The following ADAMTS17 variants were observed in gnomAD, a reference collection of about 807,000 sequenced individuals.
ADAMTS17 encodes A disintegrin and metalloproteinase with thrombospondin motifs 17.
In ADAMTS17, 113 loss-of-function variants were observed where a neutral mutation model predicts 141.5. The observed-to-expected ratio is 0.80, with a 90% confidence interval of 0.69 to 0.93. The LOEUF (loss-of-function observed/expected upper bound fraction) is 0.93. Among genes scored for constraint, ADAMTS17 ranks in the 40% least tolerant of loss-of-function variants. ADAMTS17 has a pLI of 0.00. For synonymous variants in ADAMTS17, 768 were observed against 630.6 expected (o/e 1.22, Z -3.27); for missense variants, 1,659 against 1,517.9 (o/e 1.09, Z -1.54).
At chr15:100,284,369 G>GT (rs1200017907) in intron 3 of ADAMTS17, among the ~76,000 whole-genome samples, 3 of 152,178 alleles carry the variant, frequency 2.0e-5, no homozygotes, top group Non-Finnish European at 4.4e-5. Flanking sequence ...TAGCACACAG[G>GT]TGGGGGGAAA....
intron 3 of ADAMTS17, among the ~76,000 whole-genome samples, chr15:100,302,409 T>C (rs7180014): frequency 0.55 from 83,465 of 152,058 alleles, 23,775 homozygotes; most frequent in South Asian, 0.69. Flanking sequence ...TGTTTTAATT[T>C]CTTTTGGATA....
chr15:100,235,055 G>A (rs988953721), intron 7 of ADAMTS17, among the ~76,000 whole-genome samples: 17 of 152,176 alleles, frequency 1.1e-4, no homozygotes, highest in Non-Finnish European at 2.2e-4. Context: ...ACTGGAAGAG[G>A]GAAAATAGTG....
intron 7 of ADAMTS17, among the ~76,000 whole-genome samples, chr15:100,231,491 A>G (rs2042479855): frequency 6.6e-6 from 1 of 152,224 alleles, no homozygotes; most frequent in South Asian, 2.1e-4. Flanking sequence ...GGGACCATGA[A>G]TGAGGAAGAA....
At chr15:100,107,901 C>G (rs1394908282) in intron 14 of ADAMTS17, among the ~76,000 whole-genome samples, 1 of 152,130 alleles carries the variant, frequency 6.6e-6, no homozygotes, top group East Asian at 1.9e-4. Flanking sequence ...TCTCTCACAA[C>G]ATGCCCAGCT....
At chr15:99,998,019 G>GTCC (rs1342168735) in intron 18 of ADAMTS17, among the ~76,000 whole-genome samples, 1 of 152,218 alleles carries the variant, frequency 6.6e-6, no homozygotes, top group African/African-American at 2.4e-5. Flanking sequence ...TGGGAGAACA[G>GTCC]TCCCAGTACA....
chr15:100,152,756 T>A lies in ADAMTS17; in HGVS notation c.1329A>T (p.Lys443Asn). 6.2e-7 allele frequency: 1 copy of A among 1,614,190 alleles called. No individual in the cohort carries two copies. Among genetic ancestry groups the A allele is most frequent in the East Asian group, 2.2e-5 (1 of 44,878 alleles). The change falls in exon 10 of 22, where the codon AAA becomes AAT. Residue 443 changes from lysine to asparagine, a missense_variant. By Grantham distance (94) the Lys-to-Asn change is moderately conservative. Coordinates refer to ENST00000268070, the MANE Select transcript of ADAMTS17 (RefSeq NM_139057.4). Reference sequence around the variant, plus strand: ...CCGTGACTAGCAAGCAGGTGCTGACTTTTGACCTGAAACAGCCGAGAGGCA... The same window carrying A: ...CCGTGACTAGCAAGCAGGTGCTGACATTTGACCTGAAACAGCCGAGAGGCA... ...RDDLENFLKS[K>N]VSTCLLVTDP...
intron 18 of ADAMTS17, among the ~76,000 whole-genome samples, chr15:100,016,281 G>C (rs985021720): frequency 1.4e-4 from 22 of 151,900 alleles, no homozygotes; most frequent in African/African-American, 5.3e-4. Flanking sequence ...ATCGTTTTTT[G>C]GATTTCCTTG....
chr15:100,263,776 T>C (rs28414386), intron 4 of ADAMTS17, among the ~76,000 whole-genome samples: 5,033 of 152,336 alleles, frequency 0.033, 281 homozygotes, highest in African/African-American at 0.11. Flanking sequence ...TTTTTACCTA[T>C]AGACATAACC....
At chr15:100,235,598 G>A (rs779254548) in intron 7 of ADAMTS17, among the ~76,000 whole-genome samples, 1 of 152,164 alleles carries the variant, frequency 6.6e-6, no homozygotes. Flanking sequence ...CCCCGAGGAA[G>A]CTGAGAATGT....
chr15:100,111,195 G>A (rs750529344), intron 13 of ADAMTS17, among the ~76,000 whole-genome samples: 4 of 152,276 alleles, frequency 2.6e-5, no homozygotes, highest in South Asian at 2.1e-4. Flanking sequence ...GGGCACTTCC[G>A]GGGAAAGACA....
intron 3 of ADAMTS17, among the ~76,000 whole-genome samples, chr15:100,310,646 G>A (rs538398740): frequency 6.6e-6 from 1 of 152,182 alleles, no homozygotes; most frequent in Non-Finnish European, 1.5e-5. Context: ...CTGGTCCCAG[G>A]TTGCATCCAC....
At chr15:100,173,717 T>C (rs2040239766) in intron 8 of ADAMTS17, among the ~76,000 whole-genome samples, 1 of 152,240 alleles carries the variant, frequency 6.6e-6, no homozygotes, top group South Asian at 2.1e-4. Context: ...CCACTGTGGC[T>C]ATTACTGCTG....
At chr15:100,185,737 C>G (rs1403896310) in intron 8 of ADAMTS17, among the ~76,000 whole-genome samples, 1 of 152,202 alleles carries the variant, frequency 6.6e-6, no homozygotes, top group African/African-American at 2.4e-5. Flanking sequence ...CCCCTGCACA[C>G]CTCGTCCACA....
At chr15:100,261,676 G>T in intron 5 of ADAMTS17, 40 bp from the exon 6 acceptor site, 1 of 1,596,970 alleles carries the variant, frequency 6.3e-7, no homozygotes, top group South Asian at 1.1e-5. Flanking sequence ...ACAAACGCCT[G>T]GGAGGCCAGA....
At chr15:100,261,887 C>G (rs925115959) in intron 5 of ADAMTS17, among the ~76,000 whole-genome samples, 1 of 152,154 alleles carries the variant, frequency 6.6e-6, no homozygotes, top group Non-Finnish European at 1.5e-5. Flanking sequence ...TTTCTGCAAA[C>G]AGAACAGTAT....
At chr15:100,279,431 A>G (rs2044209830) in intron 4 of ADAMTS17, among the ~76,000 whole-genome samples, 1 of 152,064 alleles carries the variant, frequency 6.6e-6, no homozygotes, top group South Asian at 2.1e-4. Context: ...GGGAATAGGC[A>G]TGTCATCTCC....
chr15:100,186,525 G>T (rs2040723965), intron 8 of ADAMTS17, among the ~76,000 whole-genome samples: 2 of 152,330 alleles, frequency 1.3e-5, no homozygotes, highest in African/African-American at 4.8e-5. Context: ...TGTCTGATGA[G>T]CATACTACCT....
rs193053357 is a variant in ADAMTS17, at chr15:100,142,704, C to T, written c.1474-9389G>A. On this transcript the variant is annotated intron_variant, in intron 10 of 21. Coordinates refer to ENST00000268070, the MANE Select transcript of ADAMTS17 (RefSeq NM_139057.4). The stretch of plus-strand genomic sequence containing the variant: ...GCCCTGGGCAGCCTGACTAGAGAGT[C>T]CTTCTCAGGCACTGTGTGATCTAGA... Among the ~76,000 whole-genome samples the T allele has an allele frequency of 5.0e-4, 76 of 152,244 alleles. 1 individual carries two copies. The highest frequency in any genetic ancestry group is 1.7e-3 in the African/African-American group (69 of 41,528).
Position 100,029,113 on chromosome 15 carries a change from G to C in ADAMTS17, c.2591+19744C>G, listed in dbSNP as rs139578232. ...CCATCTGGTTCACCCTGAGCCACCA[G>C]GGTGAACCCCTAGTCCTGAGTATGT... On this transcript the variant is annotated intron_variant, in intron 18 of 21. Transcript: ENST00000268070. Among the ~76,000 whole-genome samples the C allele has an allele frequency of 2.1e-3, 318 of 152,236 alleles. 2 individuals are homozygous for C. Among genetic ancestry groups the C allele is most frequent in the African/African-American group, 7.2e-3 (298 of 41,528 alleles).
Sources: allele counts gnomAD v4.1 joint callset (sites outside exome capture counted in the v4.1 genomes callset), GRCh38; gene constraint gnomAD v4.1.1; transcripts MANE v1.5; gene names NCBI Gene and HGNC (gene_info 2026-07-23, HGNC 2026-07-21).